The following NECTIN1 variants were observed in gnomAD, a reference collection of about 807,000 sequenced individuals.
NECTIN1 encodes nectin cell adhesion molecule 1, also known as nectin-1.
NECTIN1 carries 23 observed loss-of-function variants against 48.0 expected under a neutral mutation model. That is an observed-to-expected ratio of 0.48 (90% CI 0.34 to 0.68). The LOEUF (loss-of-function observed/expected upper bound fraction) is 0.68. Among genes scored for constraint, NECTIN1 ranks in the 30% least tolerant of loss-of-function variants. The pLI, the probability that NECTIN1 is intolerant of heterozygous loss-of-function variation, is 0.01. For synonymous variants in NECTIN1, 270 were observed against 288.9 expected (o/e 0.93, Z 0.66); for missense variants, 591 against 709.9 (o/e 0.83, Z 1.90).
At chr11:119,669,053 G>A (rs1250594515) in intron 5 of NECTIN1, among the ~76,000 whole-genome samples, 2 of 152,212 alleles carry the variant, frequency 1.3e-5, no homozygotes, top group African/African-American at 4.8e-5. Context: ...TTGCAGTATG[G>A]TAGAGTGTAC....
In NECTIN1 at chr11:119,723,091, T is replaced by C. The variant is rs1015853524; in HGVS notation, c.79+5384A>G. Among the ~76,000 whole-genome samples the C allele has an allele frequency of 7.2e-5, 11 of 152,014 alleles. No individual in the cohort carries two copies. The South Asian group carries it at 1.0e-3, about 14-fold the overall frequency. On this transcript the variant is annotated intron_variant, in intron 1 of 5. Transcript: ENST00000264025. ...AAAATTAGCCAGGTGTGGTGGCACC[T>C]GCCTGTAGTCCCAGCTACTCGGGAG...
At chr11:119,648,591 A>T (rs552649412) in intron 5 of NECTIN1, among the ~76,000 whole-genome samples, 1 of 151,470 alleles carries the variant, frequency 6.6e-6, no homozygotes, top group South Asian at 2.1e-4. Context: ...GTTTCTGTAG[A>T]AACGAAACAT....
chr11:119,703,336 G>T (rs1456064820), intron 1 of NECTIN1, among the ~76,000 whole-genome samples: 1 of 152,210 alleles, frequency 6.6e-6, no homozygotes, highest in Non-Finnish European at 1.5e-5. Flanking sequence ...CTTCATGCTG[G>T]CACCAACGGG....
At chr11:119,695,093 C>T (rs1050804126) in intron 1 of NECTIN1, among the ~76,000 whole-genome samples, 5 of 152,122 alleles carry the variant, frequency 3.3e-5, no homozygotes, top group South Asian at 2.1e-4. Context: ...TTAGGTAATC[C>T]GTCTCCCCAG....
At chr11:119,715,175 G>A (rs1167264592) in intron 1 of NECTIN1, among the ~76,000 whole-genome samples, 1 of 152,108 alleles carries the variant, frequency 6.6e-6, no homozygotes, top group Non-Finnish European at 1.5e-5. Context: ...AGGGGTTTTA[G>A]GAAGTGAATG....
chr11:119,709,093 G>T lies in NECTIN1; in HGVS notation c.79+19382C>A, dbSNP rs1865594039. Among the ~76,000 whole-genome samples, 1 of 151,974 alleles carries T rather than the reference G, an allele frequency of 6.6e-6. No homozygotes were observed. Among genetic ancestry groups the T allele is most frequent in the South Asian group, 2.1e-4 (1 of 4,812 alleles). On this transcript the variant is annotated intron_variant, in intron 1 of 5. Transcript: ENST00000264025. The surrounding 1 kb of genome is among the most constrained non-coding windows in gnomAD (Gnocchi z 4.1). The stretch of plus-strand genomic sequence containing the variant: ...ATAGCCAACATATCGCACATATCCT[G>T]CATGAGATGCCTGGGACCAGAGCGA...
intron 1 of NECTIN1, among the ~76,000 whole-genome samples, chr11:119,701,853 C>T (rs539461098): frequency 3.3e-4 from 51 of 152,268 alleles, no homozygotes; most frequent in Admixed American, 1.4e-3. Flanking sequence ...CACCTGCCTC[C>T]GCCTCACTGG....
chr11:119,661,655 G>T lies in NECTIN1; in HGVS notation c.*3092C>A. 1.0e-6 allele frequency: 1 copy of T among 985,902 alleles called. No homozygotes were observed. The highest frequency in any genetic ancestry group is 1.2e-6 in the Non-Finnish European group (1 of 829,964). 61.1% of individuals were successfully genotyped at this position (985,902 alleles called of 1,614,324 possible). On this transcript the variant is annotated 3_prime_UTR_variant, in exon 6 of 6. Transcript: ENST00000264025. ...AAGGCAGAAAAGTTATTGCACCAGT[G>T]ACTTGGGCAAGTGGGGGTTGGCTGG...
intron 1 of NECTIN1, among the ~76,000 whole-genome samples, chr11:119,685,190 C>T (rs1448204091): frequency 6.6e-6 from 1 of 152,236 alleles, no homozygotes; most frequent in African/African-American, 2.4e-5. Context: ...CATGAGCCCA[C>T]AGTCAGGGGC....
At chr11:119,650,869 T>C (rs549614346) in intron 5 of NECTIN1, among the ~76,000 whole-genome samples, 3 of 152,276 alleles carry the variant, frequency 2.0e-5, no homozygotes, top group East Asian at 3.9e-4. Context: ...ATATTGTTAG[T>C]CTTAGCTGTT....
chr11:119,668,082 C>A (rs113169206), intron 5 of NECTIN1, among the ~76,000 whole-genome samples: 1 of 152,320 alleles, frequency 6.6e-6, no homozygotes, highest in South Asian at 2.1e-4. Context: ...GACAGTCTCA[C>A]ATAACTGATA....
chr11:119,685,496 T>C (rs964173076), intron 1 of NECTIN1, among the ~76,000 whole-genome samples: 9 of 152,226 alleles, frequency 5.9e-5, no homozygotes, highest in Non-Finnish European at 4.4e-5. Flanking sequence ...GGGGGTGCTC[T>C]GGCAAGTCCC....
At chr11:119,690,544 GC>G (rs1865235954) in intron 1 of NECTIN1, among the ~76,000 whole-genome samples, 3 of 152,192 alleles carry the variant, frequency 2.0e-5, no homozygotes, top group Admixed American at 2.0e-4. Context: ...GGCCTCAGGA[GC>G]CCCCACCAAA....
intron 1 of NECTIN1, among the ~76,000 whole-genome samples, chr11:119,704,908 T>A (rs1865522132): frequency 6.6e-6 from 1 of 152,248 alleles, no homozygotes; most frequent in Non-Finnish European, 1.5e-5. Flanking sequence ...GTCCTGGCCC[T>A]GCCACTTACA....
chr11:119,693,974 G>T (rs893747576), intron 1 of NECTIN1, among the ~76,000 whole-genome samples: 1 of 152,206 alleles, frequency 6.6e-6, no homozygotes, highest in Non-Finnish European at 1.5e-5. Context: ...GGTAATTAAT[G>T]ATTTGATTGG....
Position 119,683,300 on chromosome 11 carries a change from G to A in NECTIN1, c.80-4535C>T, listed in dbSNP as rs1442533848. Reference sequence around the variant, plus strand: ...ATGCAATCCATCATTTACAATGACTGGAGGGATTAGGTCACCTGCTCAGGG... The same window carrying A: ...ATGCAATCCATCATTTACAATGACTAGAGGGATTAGGTCACCTGCTCAGGG... On this transcript the variant is annotated intron_variant, in intron 1 of 5. Transcript: ENST00000264025. The surrounding 1 kb of genome is among the most constrained non-coding windows in gnomAD (Gnocchi z 4.0). 6.6e-6 allele frequency among the ~76,000 whole-genome samples: 1 copy of A among 152,162 alleles called. No individual in the cohort carries two copies. The highest frequency in any genetic ancestry group is 1.5e-5 in the Non-Finnish European group (1 of 68,034).
downstream of NECTIN1, chr11:119,658,924 T>C (rs1820438652): frequency 6.6e-6 from 1 of 152,234 alleles, no homozygotes; most frequent in Admixed American, 6.5e-5. Flanking sequence ...TCGTTCTCCA[T>C]GTGCAGAATG....
rs533286989 is a variant in NECTIN1, at chr11:119,677,873, G to T, written c.431-16C>A. 3.3e-5 allele frequency: 54 copies of T among 1,612,690 alleles called. 1 individual carries two copies. In the East Asian group the frequency reaches 5.1e-4, roughly 15 times the overall value. On this transcript the variant is annotated splice_polypyrimidine_tract_variant and intron_variant, in intron 2 of 5. Transcript: ENST00000264025. The surrounding 1 kb of genome is among the most constrained non-coding windows in gnomAD (Gnocchi z 5.4). ...GTGGGTTTGGCTGCGAGGAAGCAGA[G>T]AGAGTGATGGGACTAGCCCTGTTGA... is the stretch of plus-strand genomic sequence containing the variant.
At chr11:119,666,081 A>AT (rs1290703692) in intron 5 of NECTIN1, among the ~76,000 whole-genome samples, 1 of 152,200 alleles carries the variant, frequency 6.6e-6, no homozygotes, top group African/African-American at 2.4e-5. Context: ...AGCCTGGGTT[A>AT]TAAGTGTAAG....
Sources: gnomAD v4.1 joint callset for allele counts (sites outside exome capture counted in the v4.1 genomes callset) on GRCh38, gnomAD v4.1.1 for gene constraint, Gnocchi (gnomAD v3.1) non-coding constraint, MANE v1.5 for transcripts, NCBI Gene and HGNC (gene_info 2026-07-23, HGNC 2026-07-21) for gene names.